FRMD6: variants seen among roughly 807,000 people sequenced by gnomAD.
The protein encoded by FRMD6 is FERM domain containing 6, also known as FERM domain-containing protein 6.
Under a neutral mutation model 73.2 loss-of-function variants are expected in FRMD6, and 37 were observed. The observed-to-expected ratio is 0.51, with a 90% CI of 0.39 to 0.66. The LOEUF (loss-of-function observed/expected upper bound fraction) is 0.66. Among genes scored for constraint, FRMD6 ranks in the 30% least tolerant of loss-of-function variants. The pLI is 0.00. For synonymous variants in FRMD6, 273 were observed against 282.2 expected (o/e 0.97, Z 0.33); for missense variants, 714 against 780.5 (o/e 0.91, Z 1.02).
At chr14:51,527,532 T>G (rs2140317924) in intron 1 of FRMD6, among the ~76,000 whole-genome samples, 1 of 152,242 alleles carries the variant, frequency 6.6e-6, no homozygotes, top group Middle Eastern at 3.4e-3. Context: ...AATAGTACTC[T>G]CTCCTCCTTT....
chr14:51,620,734 A>G (rs1166641721), intron 2 of FRMD6, among the ~76,000 whole-genome samples: 1 of 152,194 alleles, frequency 6.6e-6, no homozygotes, highest in African/African-American at 2.4e-5. Context: ...CTGGTAAGAC[A>G]TGACAATGCA....
intron 9 of FRMD6, 41 bp downstream of exon 9, chr14:51,712,592 A>T (rs1014395330): frequency 8.0e-7 from 1 of 1,244,082 alleles, no homozygotes; most frequent in African/African-American, 1.5e-5. Context: ...AGTCTCATTA[A>T]TTGCTTACTT....
At chr14:51,710,564 T>C (rs1896887581) in intron 7 of FRMD6, among the ~76,000 whole-genome samples, 1 of 152,138 alleles carries the variant, frequency 6.6e-6, no homozygotes, top group Admixed American at 6.6e-5. Flanking sequence ...AATATACTAG[T>C]TGGAAAGAAA....
At chr14:51,460,689 A>AT in the FRMD6 span, among the ~76,000 whole-genome samples, 85 of 152,326 alleles carry the variant, frequency 5.6e-4, no homozygotes, top group African/African-American at 1.9e-3. Flanking sequence ...AATCAGTTAA[A>AT]TTATTAGTAA....
the FRMD6 span, among the ~76,000 whole-genome samples, chr14:51,471,921 T>C: frequency 6.6e-6 from 1 of 152,270 alleles, no homozygotes; most frequent in East Asian, 1.9e-4. Context: ...AGGAGGGAAT[T>C]TGTTCCTTTT....
the FRMD6 span, among the ~76,000 whole-genome samples, chr14:51,474,742 A>T: frequency 6.6e-6 from 1 of 152,202 alleles, no homozygotes; most frequent in Non-Finnish European, 1.5e-5. Flanking sequence ...TGTGAAGGCA[A>T]TGGGGAACCA....
intron 2 of FRMD6, among the ~76,000 whole-genome samples, chr14:51,602,999 C>A (rs1890098839): frequency 6.6e-6 from 1 of 152,084 alleles, no homozygotes; most frequent in South Asian, 2.1e-4. Flanking sequence ...ATCCTAACTC[C>A]CAAGGTATTA....
At chr14:51,605,756 G>A (rs1165412896) in intron 2 of FRMD6, among the ~76,000 whole-genome samples, 7 of 152,146 alleles carry the variant, frequency 4.6e-5, no homozygotes, top group African/African-American at 7.2e-5. Context: ...CTAACAGGAT[G>A]TGGGCTATAC....
chr14:51,418,519 G>C, the FRMD6 span, among the ~76,000 whole-genome samples: 2 of 152,216 alleles, frequency 1.3e-5, no homozygotes, highest in Admixed American at 6.5e-5. Flanking sequence ...AGAACAGCAA[G>C]TATTGCTGCC....
At chr14:51,716,952 G>A (rs1255115717) in intron 10 of FRMD6, among the ~76,000 whole-genome samples, 1 of 152,200 alleles carries the variant, frequency 6.6e-6, no homozygotes, top group Non-Finnish European at 1.5e-5. Context: ...ACCTTGAGAA[G>A]TTGATTTGTT....
intron 1 of FRMD6, among the ~76,000 whole-genome samples, chr14:51,664,960 A>G (rs946287889): frequency 3.9e-5 from 6 of 152,198 alleles, no homozygotes; most frequent in Non-Finnish European, 5.9e-5. Context: ...ATGCAGAGGT[A>G]TAAAACTGAG....
At chr14:51,462,636 C>T in the FRMD6 span, among the ~76,000 whole-genome samples, 6 of 152,138 alleles carry the variant, frequency 3.9e-5, no homozygotes, top group African/African-American at 1.4e-4. Flanking sequence ...CCATCAGAAT[C>T]CTGTACCTGT....
At chr14:51,577,499 A>G (rs564935819) in intron 2 of FRMD6, among the ~76,000 whole-genome samples, 2 of 152,348 alleles carry the variant, frequency 1.3e-5, no homozygotes, top group East Asian at 3.9e-4. Context: ...AGCCTTGAGT[A>G]ATTCACAGAT....
chr14:51,430,464 G>A, the FRMD6 span, among the ~76,000 whole-genome samples: 1 of 152,138 alleles, frequency 6.6e-6, no homozygotes, highest in African/African-American at 2.4e-5. Flanking sequence ...AAAGCTGAAA[G>A]TAGTAGCTCC....
chr14:51,437,226 A>C, the FRMD6 span, among the ~76,000 whole-genome samples: 1 of 152,154 alleles, frequency 6.6e-6, no homozygotes, highest in East Asian at 1.9e-4. Flanking sequence ...ATGAGTGAGA[A>C]CATGCAGTGT....
chr14:51,719,147 A>T (rs1339642914), intron 10 of FRMD6, among the ~76,000 whole-genome samples: 1 of 152,258 alleles, frequency 6.6e-6, no homozygotes, highest in African/African-American at 2.4e-5. Flanking sequence ...GACCTGAAAG[A>T]CAAGAATAAT....
At chr14:51,641,177 C>T (rs1243421284) in intron 2 of FRMD6, among the ~76,000 whole-genome samples, 4 of 152,004 alleles carry the variant, frequency 2.6e-5, no homozygotes, top group Non-Finnish European at 5.9e-5. Context: ...GAGGGGGTTT[C>T]CCTATGTTGG....
intron 2 of FRMD6, chr14:51,575,657 A>T (rs1311130621): frequency 1.3e-5 from 2 of 152,080 alleles, no homozygotes; most frequent in East Asian, 1.9e-4. Flanking sequence ...GAATACAGAG[A>T]TTTCGCATGA....
At chr14:51,529,964 A>G (rs1185513041) in intron 1 of FRMD6, among the ~76,000 whole-genome samples, 1 of 152,220 alleles carries the variant, frequency 6.6e-6, no homozygotes, top group Non-Finnish European at 1.5e-5. Flanking sequence ...CTTGGTGGCC[A>G]TCTGGCTACA....
Sources: allele counts gnomAD v4.1 joint callset (sites outside exome capture counted in the v4.1 genomes callset), GRCh38; gene constraint gnomAD v4.1.1; transcripts MANE v1.5; gene names NCBI Gene and HGNC (gene_info 2026-07-23, HGNC 2026-07-21).